Variants in SLCO4C1 observed in about 807,000 individuals in gnomAD.
The protein encoded by SLCO4C1 is organic anion transporter M1.
A neutral mutation model predicts 72.1 loss-of-function variants in SLCO4C1; 58 were observed. The observed-to-expected ratio is 0.80, with a 90% confidence interval of 0.65 to 1.00. The LOEUF (loss-of-function observed/expected upper bound fraction) is 1.00. SLCO4C1 is among the 50% of genes least tolerant of loss of function. The pLI, the probability that SLCO4C1 is intolerant of heterozygous loss-of-function variation, is 0.00. For synonymous variants in SLCO4C1, 297 were observed against 312.5 expected (o/e 0.95, Z 0.52); for missense variants, 898 against 857.9 (o/e 1.05, Z -0.58).
chr5:102,282,244 A>G (rs938970946), intron 2 of SLCO4C1, among the ~76,000 whole-genome samples: 2 of 152,070 alleles, frequency 1.3e-5, no homozygotes, highest in African/African-American at 4.8e-5. Context: ...AAAACTTTTT[A>G]TATGTAAAAA....
At chr5:102,276,111 G>A (rs1332888332) in intron 2 of SLCO4C1, among the ~76,000 whole-genome samples, 1 of 152,172 alleles carries the variant, frequency 6.6e-6, no homozygotes, top group Non-Finnish European at 1.5e-5. Flanking sequence ...ATCCAGGGCA[G>A]AGAAAAGTGC....
At chr5:102,263,629 TG>T in intron 4 of SLCO4C1, 54 bp downstream of exon 4, 1 of 1,413,148 alleles carries the variant, frequency 7.1e-7, no homozygotes, top group Non-Finnish European at 1.0e-6. Flanking sequence ...TCTATGATGC[TG>T]GCATAATTAA....
At chr5:102,267,073 TG>T (rs1277140388) in intron 3 of SLCO4C1, among the ~76,000 whole-genome samples, 1 of 152,186 alleles carries the variant, frequency 6.6e-6, no homozygotes, top group Non-Finnish European at 1.5e-5. Context: ...TTAGGGATAT[TG>T]GCTTGTAGCT....
intron 2 of SLCO4C1, among the ~76,000 whole-genome samples, chr5:102,278,585 G>C (rs1202372203): frequency 6.6e-6 from 1 of 152,080 alleles, no homozygotes; most frequent in Non-Finnish European, 1.5e-5. Flanking sequence ...CACATCCTGC[G>C]CCATAGAGTA....
At position 102,236,591 on chromosome 5, in the gene SLCO4C1, T is replaced by TGTGTGTGTGTGTTC; in HGVS notation, c.*253_*266dup. Reference sequence around the variant, plus strand: ...AAGTGTGTATGTGTGCGTGTGTGTGTGTGTGTGTGTGTTCGTGTGTGTGTG... The same window carrying TGTGTGTGTGTGTTC: ...AAGTGTGTATGTGTGCGTGTGTGTGTGTGTGTGTGTGTTCGTGTGTGTGTGTTCGTGTGTGTGTG... On this transcript the variant is annotated 3_prime_UTR_variant, in exon 13 of 13. Coordinates refer to ENST00000310954, the MANE Select transcript of SLCO4C1 (RefSeq NM_180991.5). 1 of 329,912 alleles carries TGTGTGTGTGTGTTC rather than the reference T, an allele frequency of 3.0e-6. No individual in the cohort carries two copies. The highest frequency in any genetic ancestry group is 5.5e-6 in the Non-Finnish European group (1 of 183,036). 20.4% of individuals were successfully genotyped at this position (329,912 alleles called of 1,614,324 possible).
At chr5:102,263,648 T>A in intron 4 of SLCO4C1, 36 bp downstream of exon 4, 1 of 1,531,410 alleles carries the variant, frequency 6.5e-7, no homozygotes, top group Non-Finnish European at 9.0e-7. Context: ...TAAAATAAAA[T>A]GACTTTAAAT....
intron 8 of SLCO4C1, among the ~76,000 whole-genome samples, chr5:102,255,906 A>G (rs1748825622): frequency 1.3e-5 from 2 of 152,172 alleles, no homozygotes; most frequent in South Asian, 4.1e-4. Context: ...CAAATGTTGA[A>G]CAAATGTAAT....
rs375139285 is a variant in SLCO4C1, at chr5:102,257,108, T to C, written c.1469+7A>G. 8 of 1,550,638 alleles carry C rather than the reference T, an allele frequency of 5.2e-6. No individual in the cohort carries two copies. Among genetic ancestry groups the C allele is most frequent in the African/African-American group, 2.8e-5 (2 of 71,708 alleles). ...ATTAATATCAAAAAGCACTGAATTG[T>C]ATTTACCCATTATATGATTCAGATA... On this transcript the variant is annotated splice_region_variant and intron_variant, in intron 8 of 12. Transcript: ENST00000310954.
rs3995237 is a variant in SLCO4C1 at position 102,236,605 on chromosome 5, CGTGT to C, written c.*249_*252del. On this transcript the variant is annotated 3_prime_UTR_variant, in exon 13 of 13. Transcript: ENST00000310954. ...GCGTGTGTGTGTGTGTGTGTGTGTT[CGTGT>C]GTGTGTGTGTGTGTGTGCTCGTGTG... The C allele has an allele frequency of 0.14, 38,351 of 284,030 alleles. 2,256 individuals are homozygous for C. The highest frequency in any genetic ancestry group is 0.22 in the African/African-American group (8,469 of 39,000). The allele number at this position is 284,030 out of a possible 1,614,324, so 17.6% of individuals were successfully genotyped here. A position where few individuals can be genotyped will look rare whatever the true frequency, so the allele number is the denominator to read the frequency against.
At position 102,260,267 on chromosome 5, in the gene SLCO4C1, A is replaced by C; in HGVS notation, c.1074T>G (p.Ser358Arg). The C allele has an allele frequency of 1.4e-6, 2 of 1,399,824 alleles. No individual in the cohort carries two copies. Among genetic ancestry groups the C allele is most frequent in the Non-Finnish European group, 1.9e-6 (2 of 1,068,124 alleles). 86.7% of individuals were successfully genotyped at this position (1,399,824 alleles called of 1,614,324 possible). The part of the protein sequence containing the change: ...GKTSQAHQSN[S>R]NADVKFGKSI... ...TTTTTCCAAATTTCACATCTGCATTACTATTACTCTGATGAGCCTGGGAAG... is the reference window on the plus strand; with the variant it reads ...TTTTTCCAAATTTCACATCTGCATTCCTATTACTCTGATGAGCCTGGGAAG... The change falls in exon 6 of 13, where the codon AGT becomes AGG. Residue 358 changes from serine (S) to arginine (R), a missense_variant. Transcript: ENST00000310954.
intron 11 of SLCO4C1, among the ~76,000 whole-genome samples, chr5:102,239,956 C>A (rs1041031916): frequency 5.9e-5 from 9 of 152,054 alleles, no homozygotes. Flanking sequence ...AGTTAAGAAA[C>A]TTCCAATTAT....
chr5:102,273,627 GA>G (rs1749193529), intron 2 of SLCO4C1, among the ~76,000 whole-genome samples: 1 of 151,948 alleles, frequency 6.6e-6, no homozygotes, highest in Non-Finnish European at 1.5e-5. Flanking sequence ...TAAAGACAAA[GA>G]AAAATATTTA....
rs777847452 is a variant in SLCO4C1 at position 102,239,272 on chromosome 5, C to T, written c.1993G>A (p.Ala665Thr). 8.8e-6 allele frequency: 14 copies of T among 1,590,416 alleles called. No homozygotes were observed. In the Admixed American group the frequency reaches 1.2e-4, roughly 14 times the overall value. ...ACWIYDNIKM[A>T]HMLVAISVTC... Reference sequence around the variant, plus strand: ...TTACTTATGGCTACTAGCATATGGGCCATCTTGATGTTATCATAAATCCAG... The same window carrying T: ...TTACTTATGGCTACTAGCATATGGGTCATCTTGATGTTATCATAAATCCAG... The change falls in exon 12 of 13, where the codon GCC (alanine) becomes ACC (threonine). Residue 665 changes from alanine to threonine, a missense_variant. Transcript: ENST00000310954.
At chr5:102,295,630 C>A (rs1240309699) in intron 1 of SLCO4C1, among the ~76,000 whole-genome samples, 1 of 152,224 alleles carries the variant, frequency 6.6e-6, no homozygotes, top group African/African-American at 2.4e-5. Context: ...CCCTGTAAGT[C>A]TTGAATCCGC....
chr5:102,284,777 C>G (rs1365781891), intron 2 of SLCO4C1, among the ~76,000 whole-genome samples: 1 of 152,044 alleles, frequency 6.6e-6, no homozygotes, highest in Non-Finnish European at 1.5e-5. Context: ...TTTTTTAAAC[C>G]TCTACCTACC....
intron 2 of SLCO4C1, among the ~76,000 whole-genome samples, chr5:102,277,989 A>G (rs573875188): frequency 6.6e-6 from 1 of 152,254 alleles, no homozygotes; most frequent in Non-Finnish European, 1.5e-5. Flanking sequence ...CAAAATATTA[A>G]AAGTACAGGT....
At chr5:102,260,348 A>T (rs1580250512) in intron 5 of SLCO4C1, 29 bp from the exon 6 acceptor site, 4 of 307,380 alleles carry the variant, frequency 1.3e-5, no homozygotes, top group Non-Finnish European at 2.1e-5. Flanking sequence ...TATATATATA[A>T]TATATATATT....
chr5:102,266,593 T>C (rs1749044585), intron 3 of SLCO4C1, among the ~76,000 whole-genome samples: 1 of 151,902 alleles, frequency 6.6e-6, no homozygotes, highest in South Asian at 2.1e-4. Context: ...GAGGTTGCAA[T>C]GAGCAGAGAT....
chr5:102,295,346 C>G (rs1379083751), intron 1 of SLCO4C1, among the ~76,000 whole-genome samples: 3 of 152,212 alleles, frequency 2.0e-5, no homozygotes, highest in African/African-American at 7.2e-5. Context: ...CTAATTTACT[C>G]ACTGGGCTCC....
Sources: gnomAD v4.1 joint callset for allele counts (sites outside exome capture counted in the v4.1 genomes callset) on GRCh38, gnomAD v4.1.1 for gene constraint, MANE v1.5 for transcripts, NCBI Gene and HGNC (gene_info 2026-07-23, HGNC 2026-07-21) for gene names.